The following KCNAB1 variants were observed in gnomAD, a reference collection of about 807,000 sequenced individuals.
KCNAB1 encodes potassium voltage-gated channel subfamily A regulatory beta subunit 1.
A neutral mutation model predicts 64.6 loss-of-function variants in KCNAB1; 35 were observed. That is an observed-to-expected ratio of 0.54 (90% CI 0.41 to 0.72). The LOEUF (loss-of-function observed/expected upper bound fraction) is 0.72. Ranked by LOEUF, KCNAB1 falls within the 30% of genes least tolerant of loss-of-function variation. KCNAB1 has a pLI of 0.00. For missense variants in KCNAB1, 401 were observed against 512.9 expected, an observed-to-expected ratio of 0.78 and a Z score of 2.11; for synonymous variants, 177 against 183.8, an observed-to-expected ratio of 0.96 and a Z score of 0.30.
At chr3:156,469,964 T>C (rs1713756620) in intron 7 of KCNAB1, among the ~76,000 whole-genome samples, 1 of 152,192 alleles carries the variant, frequency 6.6e-6, no homozygotes, top group Admixed American at 6.5e-5. Flanking sequence ...CATTGGAGAT[T>C]TGTATACAAA....
intron 2 of KCNAB1, among the ~76,000 whole-genome samples, chr3:156,436,708 T>C (rs1159478756): frequency 6.6e-6 from 1 of 152,266 alleles, no homozygotes; most frequent in Non-Finnish European, 1.5e-5. Flanking sequence ...GCTGCATAAA[T>C]GTCTTCTTTT....
chr3:156,273,740 T>C, intron 1 of KCNAB1: 1 of 441,460 alleles, frequency 2.3e-6, no homozygotes, highest in South Asian at 1.6e-5. Flanking sequence ...TAGATAGTTG[T>C]CAGATTTGGT....
chr3:156,139,598 T>G lies in KCNAB1; in HGVS notation c.275+18712T>G, dbSNP rs556663075. 8.1e-5 allele frequency among the ~76,000 whole-genome samples: 12 copies of G among 147,796 alleles called. No individual in the cohort carries two copies. The South Asian group carries it at 2.6e-3, about 32-fold the overall frequency. Reference sequence around the variant, plus strand: ...CATTGTACTGTGTTTTTTTTTTTTTTTTTTTTTTTTTTGTTCCCCCTAGCT... The same window carrying G: ...CATTGTACTGTGTTTTTTTTTTTTTGTTTTTTTTTTTTGTTCCCCCTAGCT... On this transcript the variant is annotated intron_variant, in intron 1 of 13. Coordinates refer to ENST00000490337, the MANE Select transcript of KCNAB1 (RefSeq NM_172160.3).
chr3:156,477,313 A>T (rs1045850524), intron 8 of KCNAB1, among the ~76,000 whole-genome samples: 2 of 152,168 alleles, frequency 1.3e-5, no homozygotes, highest in African/African-American at 4.8e-5. Flanking sequence ...ACAAAGCGGA[A>T]TGGGAAGCTA....
At chr3:156,308,955 C>T (rs1216943101) in intron 1 of KCNAB1, among the ~76,000 whole-genome samples, 2 of 152,106 alleles carry the variant, frequency 1.3e-5, no homozygotes, top group Non-Finnish European at 2.9e-5. Flanking sequence ...AATTTATTAG[C>T]ATTAGCTTTC....
intron 1 of KCNAB1, among the ~76,000 whole-genome samples, chr3:156,248,071 T>C (rs1717573772): frequency 3.9e-5 from 6 of 152,222 alleles, no homozygotes; most frequent in Admixed American, 3.9e-4. Context: ...TCATATTCTC[T>C]TGATGCTGTC....
intron 1 of KCNAB1, among the ~76,000 whole-genome samples, chr3:156,281,357 T>A (rs1719701847): frequency 6.6e-6 from 1 of 151,962 alleles, no homozygotes; most frequent in African/African-American, 2.4e-5. Flanking sequence ...TGCTGCTGGA[T>A]TCGGTTTGCC....
chr3:156,251,917 GA>G (rs1262468915), intron 1 of KCNAB1, among the ~76,000 whole-genome samples: 5 of 152,200 alleles, frequency 3.3e-5, no homozygotes, highest in African/African-American at 1.2e-4. Context: ...AGCTATGTCA[GA>G]GATCAAGTGC....
At chr3:156,463,611 A>G (rs750054003) in intron 5 of KCNAB1, 91 bp from the exon 6 acceptor site, 32 of 1,027,488 alleles carry the variant, frequency 3.1e-5, no homozygotes, top group Non-Finnish European at 4.7e-5. Context: ...TATAATAACA[A>G]ATTCTTTCTG....
intron 8 of KCNAB1, among the ~76,000 whole-genome samples, chr3:156,485,169 A>G (rs1448575596): frequency 6.6e-6 from 1 of 152,162 alleles, no homozygotes; most frequent in African/African-American, 2.4e-5. Flanking sequence ...AACAATTGAA[A>G]TGACATTTTA....
At chr3:156,512,144 C>A (rs552871767) in intron 8 of KCNAB1, among the ~76,000 whole-genome samples, 4 of 152,314 alleles carry the variant, frequency 2.6e-5, no homozygotes, top group East Asian at 3.9e-4. Context: ...TAATGACTTA[C>A]TTGTTTACCC....
chr3:156,341,382 C>T (rs1226720838), intron 1 of KCNAB1, among the ~76,000 whole-genome samples: 1 of 152,200 alleles, frequency 6.6e-6, no homozygotes, highest in Non-Finnish European at 1.5e-5. Flanking sequence ...AAAAGCGATA[C>T]CAGTAAACTC....
intron 1 of KCNAB1, among the ~76,000 whole-genome samples, chr3:156,139,316 G>T (rs1320936804): frequency 6.6e-6 from 1 of 152,092 alleles, no homozygotes; most frequent in Non-Finnish European, 1.5e-5. Flanking sequence ...CCTTTCCTGG[G>T]CCCAGTTCCA....
intron 1 of KCNAB1, among the ~76,000 whole-genome samples, chr3:156,225,950 T>C (rs1716132036): frequency 6.6e-6 from 1 of 151,974 alleles, no homozygotes; most frequent in Non-Finnish European, 1.5e-5. Context: ...TGGAAACACA[T>C]CCCATGCTCA....
intron 8 of KCNAB1, among the ~76,000 whole-genome samples, chr3:156,484,594 C>T (rs546807366): frequency 6.6e-6 from 1 of 151,848 alleles, no homozygotes; most frequent in Non-Finnish European, 1.5e-5. Context: ...GTAAGTTCCT[C>T]GATCTGCTGC....
At chr3:156,314,713 C>T (rs555243804) in intron 1 of KCNAB1, among the ~76,000 whole-genome samples, 1 of 152,340 alleles carries the variant, frequency 6.6e-6, no homozygotes, top group African/African-American at 2.4e-5. Flanking sequence ...AATTAATTGC[C>T]CTTCAATTTC....
At chr3:156,490,905 C>A (rs1315168858) in intron 8 of KCNAB1, among the ~76,000 whole-genome samples, 1 of 152,052 alleles carries the variant, frequency 6.6e-6, no homozygotes, top group Non-Finnish European at 1.5e-5. Flanking sequence ...TGAGATTTCA[C>A]AACTGAAAAG....
intron 1 of KCNAB1, among the ~76,000 whole-genome samples, chr3:156,328,164 T>C (rs1723100558): frequency 6.6e-6 from 1 of 152,130 alleles, no homozygotes; most frequent in African/African-American, 2.4e-5. Flanking sequence ...GGGAGCTGCA[T>C]GTCGTTTGCA....
Position 156,304,500 on chromosome 3 carries a change from A to G in KCNAB1, c.276-117116A>G, listed in dbSNP as rs115775446. Among the ~76,000 whole-genome samples the G allele has an allele frequency of 5.5e-3, 842 of 152,372 alleles. 10 individuals are homozygous for G. Among genetic ancestry groups the G allele is most frequent in the African/African-American group, 0.019 (803 of 41,590 alleles). On this transcript the variant is annotated intron_variant, in intron 1 of 13. Coordinates refer to ENST00000490337, the MANE Select transcript of KCNAB1 (RefSeq NM_172160.3). ...TCTAAGTTCAGACAGCTTCTGGCCT[A>G]CTTCCTGTTATACTGACCAGCGTAT...
Sources: allele counts gnomAD v4.1 joint callset (sites outside exome capture counted in the v4.1 genomes callset), GRCh38; gene constraint gnomAD v4.1.1; transcripts MANE v1.5; gene names NCBI Gene and HGNC (gene_info 2026-07-23, HGNC 2026-07-21).